Variants in DENND4A observed in about 807,000 individuals in gnomAD.
DENND4A encodes C-myc promoter-binding protein.
A neutral mutation model predicts 199.3 loss-of-function variants in DENND4A; 70 were observed. That is an observed-to-expected ratio of 0.35 (90% CI 0.29 to 0.43). The LOEUF (loss-of-function observed/expected upper bound fraction) is 0.43. DENND4A is among the 20% of genes least tolerant of loss of function. The pLI is 1.00. For missense variants in DENND4A, 1,723 were observed against 2,255.8 expected (o/e 0.76, Z 4.78); for synonymous variants, 686 against 766.9 (o/e 0.89, Z 1.74).
rs556919442 is a variant in DENND4A at position 65,782,996 on chromosome 15, G to A, written c.-102+9014C>T. Among the ~76,000 whole-genome samples, 39 of 146,894 alleles carry A rather than the reference G, an allele frequency of 2.7e-4. No individual in the cohort carries two copies. The East Asian group carries it at 4.1e-3, about 15-fold the overall frequency. On this transcript the variant is annotated intron_variant, in intron 1 of 32. Transcript: ENST00000443035. ...TTTTTTTTTTGGTCACAAAAGTCAG[G>A]AGGAAAAAAAAACACATCTAAAGCT...
chr15:65,735,471 C>A (rs893439331), intron 7 of DENND4A, among the ~76,000 whole-genome samples: 8 of 152,186 alleles, frequency 5.3e-5, no homozygotes, highest in African/African-American at 1.7e-4. Flanking sequence ...ACTGACAGTG[C>A]AAGAGCATTG....
chr15:65,766,234 G>C (rs1177335516), intron 1 of DENND4A, among the ~76,000 whole-genome samples: 2 of 145,596 alleles, frequency 1.4e-5, no homozygotes, highest in Admixed American at 6.9e-5. Flanking sequence ...CTGGGCAACG[G>C]AGTGAGACTC....
intron 2 of DENND4A, among the ~76,000 whole-genome samples, chr15:65,759,482 A>G (rs2076797893): frequency 6.6e-6 from 1 of 152,208 alleles, no homozygotes; most frequent in Admixed American, 6.5e-5. Flanking sequence ...CATCTGGAAA[A>G]AAAAAGGAAA....
Position 65,737,703 on chromosome 15 carries a change from T to C in DENND4A, c.1040+4A>G. 1.3e-6 allele frequency: 2 copies of C among 1,563,274 alleles called. No individual in the cohort carries two copies. The highest frequency in any genetic ancestry group is 1.7e-6 in the Non-Finnish European group (2 of 1,153,598). ...AAATGTTGAACCAAGAACACTTAACTTACTTCTCAATTGGAAGGACATGAG... is the reference window on the plus strand; with the variant it reads ...AAATGTTGAACCAAGAACACTTAACCTACTTCTCAATTGGAAGGACATGAG... On this transcript the variant is annotated splice_donor_region_variant and intron_variant, in intron 7 of 32. Transcript: ENST00000443035.
chr15:65,685,321 T>C (rs757959448), intron 23 of DENND4A, among the ~76,000 whole-genome samples: 11 of 152,080 alleles, frequency 7.2e-5, no homozygotes, highest in Non-Finnish European at 1.5e-4. Flanking sequence ...AGACACGGGG[T>C]TTCACTGTGT....
intron 1 of DENND4A, among the ~76,000 whole-genome samples, chr15:65,774,980 TC>T (rs779746342): frequency 5.5e-4 from 83 of 150,744 alleles, no homozygotes; most frequent in Non-Finnish European, 1.0e-3. Flanking sequence ...CAAGCAATCC[TC>T]CTGCCTCAGC....
chr15:65,748,851 T>C (rs1424163033), intron 4 of DENND4A, among the ~76,000 whole-genome samples: 2 of 151,176 alleles, frequency 1.3e-5, no homozygotes, highest in Non-Finnish European at 2.9e-5. Context: ...CCAGATGTGG[T>C]GGTGCACACC....
chr15:65,720,031 A>G (rs2140298149), intron 12 of DENND4A, among the ~76,000 whole-genome samples: 1 of 152,356 alleles, frequency 6.6e-6, no homozygotes, highest in East Asian at 1.9e-4. Flanking sequence ...TCAGAAGGAA[A>G]GGCAAATAAA....
intron 1 of DENND4A, chr15:65,771,854 T>G (rs2077138077): frequency 6.2e-7 from 1 of 1,612,336 alleles, no homozygotes; most frequent in African/African-American, 1.3e-5. Flanking sequence ...GCATAAGCAT[T>G]CCCAACCTTT....
intron 14 of DENND4A, among the ~76,000 whole-genome samples, chr15:65,714,835 T>C (rs970297332): frequency 6.6e-6 from 1 of 152,188 alleles, no homozygotes; most frequent in Admixed American, 6.5e-5. Flanking sequence ...TCTCCAGGAA[T>C]ACTCTCCTTA....
chr15:65,726,957 CAAAA>C, intron 11 of DENND4A, among the ~76,000 whole-genome samples: 1 of 151,588 alleles, frequency 6.6e-6, no homozygotes, highest in Admixed American at 6.6e-5. Context: ...GACATTGTCT[CAAAA>C]GAATAAAAAG....
chr15:65,666,970 A>G (rs890608996), intron 29 of DENND4A, among the ~76,000 whole-genome samples: 2 of 152,210 alleles, frequency 1.3e-5, no homozygotes, highest in Admixed American at 1.3e-4. Context: ...GCCTGTAAGA[A>G]GAAAATATTA....
chr15:65,701,059 G>A lies in DENND4A; in HGVS notation c.2693C>T (p.Thr898Ile). 6.2e-7 allele frequency: 1 copy of A among 1,606,314 alleles called. No homozygotes were observed. Among genetic ancestry groups the A allele is most frequent in the East Asian group, 2.3e-5 (1 of 44,390 alleles). Residue 898 changes from threonine to isoleucine, a missense_variant, in exon 19 of 33, where the codon ACT becomes ATT. By Grantham distance (89) the Thr-to-Ile change is moderately conservative. Transcript: ENST00000443035. Reference protein sequence around the residue: ...LKKHAHLSQTTLSADGSDLDA... With the variant: ...LKKHAHLSQTILSADGSDLDA... ...ACACATACATCCCTTACCTGAGAGAGTTGTTTGTGATAAGTGTGCATGCTT... is the reference window on the plus strand; with the variant it reads ...ACACATACATCCCTTACCTGAGAGAATTGTTTGTGATAAGTGTGCATGCTT...
At chr15:65,781,558 G>A (rs2077437263) in intron 1 of DENND4A, among the ~76,000 whole-genome samples, 1 of 152,220 alleles carries the variant, frequency 6.6e-6, no homozygotes, top group Non-Finnish European at 1.5e-5. Context: ...ATGAGAGAGA[G>A]AGAGGGAGAT....
In DENND4A at chr15:65,787,312, AAG is replaced by A. The variant is rs1414650367; in HGVS notation, c.-102+4696_-102+4697del. The stretch of plus-strand genomic sequence containing the variant: ...TGGAAAACACATTTTTACACAGATC[AAG>A]AGAGACAGGTTTTAACAAAGTATAT... On this transcript the variant is annotated intron_variant, in intron 1 of 32. Transcript: ENST00000443035. Among the ~76,000 whole-genome samples the A allele has an allele frequency of 3.3e-5, 5 of 152,332 alleles. No homozygotes were observed. The South Asian group carries it at 8.3e-4, about 25-fold the overall frequency.
At chr15:65,671,961 A>G (rs1014881882) in intron 24 of DENND4A, 75 bp from the exon 25 acceptor site, 10 of 880,386 alleles carry the variant, frequency 1.1e-5, no homozygotes, top group African/African-American at 3.3e-5. Context: ...TTTTACTTCC[A>G]TAAGTTCTCA....
At chr15:65,662,541 G>A (rs16948924) in intron 32 of DENND4A, among the ~76,000 whole-genome samples, 9,461 of 151,980 alleles carry the variant, frequency 0.062, 1,002 homozygotes, top group African/African-American at 0.22. Flanking sequence ...TTTTAAGGAC[G>A]TTATACCAAG....
At chr15:65,755,773 G>GA (rs1398070583) in intron 3 of DENND4A, among the ~76,000 whole-genome samples, 12 of 152,010 alleles carry the variant, frequency 7.9e-5, no homozygotes, top group South Asian at 2.1e-4. Flanking sequence ...CCTTTAAAAA[G>GA]AAAAAAATCC....
At chr15:65,701,341 T>C in intron 18 of DENND4A, 149 bp from the exon 19 acceptor site, 1 of 646,468 alleles carries the variant, frequency 1.5e-6, no homozygotes, top group Non-Finnish European at 2.4e-6. Flanking sequence ...CTGAGGCAGG[T>C]GGATCACTTG....
Sources: allele counts gnomAD v4.1 joint callset (sites outside exome capture counted in the v4.1 genomes callset), GRCh38; gene constraint gnomAD v4.1.1; transcripts MANE v1.5; gene names NCBI Gene and HGNC (gene_info 2026-07-23, HGNC 2026-07-21).